The following DPP10 variants were observed in gnomAD, a reference collection of about 807,000 sequenced individuals.
DPP10 encodes the protein dipeptidyl peptidase like 10.
Under a neutral mutation model 120.9 loss-of-function variants are expected in DPP10, and 33 were observed. That is an observed-to-expected ratio of 0.27 (90% CI 0.21 to 0.37). DPP10 has a LOEUF of 0.37. DPP10 is among the 10% of genes least tolerant of loss of function. The pLI is 1.00. For missense variants in DPP10, 816 were observed against 942.8 expected, an observed-to-expected ratio of 0.87 and a Z score of 1.76; for synonymous variants, 337 against 326.1, an observed-to-expected ratio of 1.03 and a Z score of -0.36.
At chr2:114,602,712 A>G (rs1271991587) in intron 1 of DPP10, among the ~76,000 whole-genome samples, 1 of 152,042 alleles carries the variant, frequency 6.6e-6, no homozygotes, top group Non-Finnish European at 1.5e-5. Flanking sequence ...GTATTCTTCA[A>G]TTTCATGAGT....
chr2:115,754,286 C>G (rs1679120875), intron 11 of DPP10, among the ~76,000 whole-genome samples: 1 of 152,064 alleles, frequency 6.6e-6, no homozygotes, highest in Non-Finnish European at 1.5e-5. Context: ...GAAAAGGACT[C>G]CAGCAATCTA....
At chr2:115,270,901 T>C (rs1005792602) in intron 1 of DPP10, among the ~76,000 whole-genome samples, 2 of 152,172 alleles carry the variant, frequency 1.3e-5, no homozygotes, top group African/African-American at 4.8e-5. Flanking sequence ...TTTTTTTAAG[T>C]TTATCTTCAT....
chr2:115,750,078 G>T, intron 10 of DPP10: 2 of 985,282 alleles, frequency 2.0e-6, no homozygotes, highest in Non-Finnish European at 2.4e-6. Context: ...TATAAGAAAG[G>T]GACACTTCTG....
chr2:115,718,852 A>G (rs1310321063), intron 7 of DPP10, among the ~76,000 whole-genome samples: 1 of 152,180 alleles, frequency 6.6e-6, no homozygotes, highest in Non-Finnish European at 1.5e-5. Flanking sequence ...AAAGTGAAAA[A>G]GGAGAAAGTT....
At chr2:115,617,040 A>G (rs2084557259) in intron 5 of DPP10, among the ~76,000 whole-genome samples, 2 of 141,156 alleles carry the variant, frequency 1.4e-5, no homozygotes. Context: ...GTTAAATTTC[A>G]TTATTCAGTC....
chr2:115,006,251 C>A (rs1701832119), intron 1 of DPP10, among the ~76,000 whole-genome samples: 2 of 152,190 alleles, frequency 1.3e-5, no homozygotes, highest in Admixed American at 1.3e-4. Context: ...CGGTACCAGA[C>A]ACTGCAAAAT....
intron 1 of DPP10, among the ~76,000 whole-genome samples, chr2:114,444,679 T>C (rs1036020): frequency 0.68 from 104,045 of 151,944 alleles, 36,018 homozygotes; most frequent in Middle Eastern, 0.82. Flanking sequence ...AAATGAAAAG[T>C]ATCATAAAAA....
At chr2:114,522,176 G>A (rs1367756031) in intron 1 of DPP10, among the ~76,000 whole-genome samples, 2 of 151,150 alleles carry the variant, frequency 1.3e-5, no homozygotes, top group Admixed American at 6.6e-5. Context: ...AGTAGAGACG[G>A]GGTTTCACCG....
chr2:115,141,453 G>T (rs965766102), intron 1 of DPP10, among the ~76,000 whole-genome samples: 2 of 152,158 alleles, frequency 1.3e-5, no homozygotes, highest in African/African-American at 4.8e-5. Context: ...AAGGTTAAAG[G>T]TTAAAGATTC....
chr2:115,554,650 C>T (rs1249874743), intron 5 of DPP10, among the ~76,000 whole-genome samples: 2 of 151,978 alleles, frequency 1.3e-5, no homozygotes, highest in South Asian at 2.1e-4. Context: ...GGAATCCTTC[C>T]GAAAACATCT....
chr2:115,541,815 GAGATAA>G (rs371732243), intron 5 of DPP10, among the ~76,000 whole-genome samples: 2 of 151,868 alleles, frequency 1.3e-5, no homozygotes, highest in Admixed American at 1.3e-4. Flanking sequence ...ATAGTGGGGA[GAGATAA>G]AGATAAAAGA....
chr2:115,842,186 A>G, intron 25 of DPP10, 25 bp from the exon 26 acceptor site: 1 of 1,553,338 alleles, frequency 6.4e-7, no homozygotes. Context: ...ATAATTTGAA[A>G]TCTTCTTTCT....
chr2:114,814,123 T>C (rs775157460), intron 1 of DPP10, among the ~76,000 whole-genome samples: 3 of 152,322 alleles, frequency 2.0e-5, no homozygotes, highest in South Asian at 2.1e-4. Context: ...CAAAAGGTAA[T>C]AGGCATAGTC....
chr2:115,728,080 A>G (rs894307112), intron 8 of DPP10, 144 bp downstream of exon 8: 1 of 879,418 alleles, frequency 1.1e-6, no homozygotes, highest in Non-Finnish European at 1.7e-6. Context: ...ATGCTTTCAT[A>G]TCTTTGCATG....
chr2:115,542,128 G>T (rs973624955), intron 5 of DPP10, among the ~76,000 whole-genome samples: 1 of 151,830 alleles, frequency 6.6e-6, no homozygotes, highest in African/African-American at 2.4e-5. Context: ...CTTTGTGTGT[G>T]ATTCTATGAC....
chr2:114,897,207 T>A (rs1693091211), intron 1 of DPP10, among the ~76,000 whole-genome samples: 1 of 152,206 alleles, frequency 6.6e-6, no homozygotes, highest in Non-Finnish European at 1.5e-5. Context: ...ATTTTTTGGT[T>A]GTGTCTCTGC....
intron 5 of DPP10, among the ~76,000 whole-genome samples, chr2:115,628,986 C>A (rs1278851354): frequency 6.6e-6 from 1 of 152,086 alleles, no homozygotes; most frequent in Non-Finnish European, 1.5e-5. Flanking sequence ...CCACGACAGG[C>A]CCCAGTGTGT....
chr2:114,896,797 C>T (rs904328114), intron 1 of DPP10, among the ~76,000 whole-genome samples: 3 of 152,218 alleles, frequency 2.0e-5, no homozygotes, highest in Non-Finnish European at 4.4e-5. Context: ...TGAGAGAGGG[C>T]ATCCCTGTCT....
chr2:115,612,637 T>C (rs542963287), intron 5 of DPP10, among the ~76,000 whole-genome samples: 101 of 152,302 alleles, frequency 6.6e-4, no homozygotes, highest in Middle Eastern at 6.8e-3. Context: ...ACTGGGTATT[T>C]GGAATCTCAT....
Sources: gnomAD v4.1 joint callset for allele counts (sites outside exome capture counted in the v4.1 genomes callset) on GRCh38, gnomAD v4.1.1 for gene constraint, MANE v1.5 for transcripts, NCBI Gene and HGNC (gene_info 2026-07-23, HGNC 2026-07-21) for gene names.